Variants in CDH17 observed in about 807,000 individuals in gnomAD.
CDH17 encodes the protein cadherin 17, also known as cadherin-17.
A neutral mutation model predicts 86.3 loss-of-function variants in CDH17; 67 were observed. The observed-to-expected ratio is 0.78, with a 90% CI of 0.64 to 0.95. CDH17 has a LOEUF of 0.95. Ranked by LOEUF, CDH17 falls within the 40% of genes least tolerant of loss-of-function variation. The pLI is 0.00. For synonymous variants in CDH17, 367 were observed against 366.4 expected (o/e 1.00, Z -0.02); for missense variants, 993 against 1,017.6 (o/e 0.98, Z 0.33).
At chr8:94,195,090 C>A (rs1813757377) in intron 1 of CDH17, among the ~76,000 whole-genome samples, 1 of 152,186 alleles carries the variant, frequency 6.6e-6, no homozygotes, top group Non-Finnish European at 1.5e-5. Context: ...CAACCTCCAC[C>A]TCCTGGGTTC....
chr8:94,128,083 A>G lies in CDH17; in HGVS notation c.*157T>C. ...ACTCCAGCCTGGGCGACAGAGCAAG[A>G]CTCCACCTCAAAAAAGAAATATTTA... On this transcript the variant is annotated 3_prime_UTR_variant, in exon 18 of 18. Coordinates refer to ENST00000027335, the MANE Select transcript of CDH17 (RefSeq NM_004063.4). The G allele has an allele frequency of 1.7e-6, 1 of 598,048 alleles. No homozygotes were observed. 37.0% of individuals were successfully genotyped at this position (598,048 alleles called of 1,614,324 possible).
intron 3 of CDH17, among the ~76,000 whole-genome samples, chr8:94,186,754 G>C (rs1470998326): frequency 6.6e-6 from 1 of 152,168 alleles, no homozygotes; most frequent in Non-Finnish European, 1.5e-5. Flanking sequence ...TGCAGCTCAT[G>C]CTCTGAGTGA....
intron 3 of CDH17, among the ~76,000 whole-genome samples, chr8:94,179,785 G>C (rs1035142798): frequency 5.3e-5 from 8 of 152,110 alleles, no homozygotes; most frequent in African/African-American, 1.4e-4. Context: ...AAAGAATACA[G>C]ACTTTACAGA....
intron 15 of CDH17, among the ~76,000 whole-genome samples, chr8:94,141,605 T>C (rs1277549076): frequency 1.3e-5 from 2 of 152,190 alleles, no homozygotes; most frequent in African/African-American, 2.4e-5. Flanking sequence ...GAAATCATTA[T>C]ATTCCTATAT....
chr8:94,186,168 C>G (rs1395172451), intron 3 of CDH17, among the ~76,000 whole-genome samples: 1 of 152,072 alleles, frequency 6.6e-6, no homozygotes, highest in Non-Finnish European at 1.5e-5. Flanking sequence ...TGTCTGAGAC[C>G]TCTCCACCTG....
chr8:94,140,099 A>G (rs1449331131), intron 15 of CDH17, among the ~76,000 whole-genome samples: 1 of 152,132 alleles, frequency 6.6e-6, no homozygotes, highest in Non-Finnish European at 1.5e-5. Flanking sequence ...CATAATCACA[A>G]AAGAAATCTA....
intron 15 of CDH17, 62 bp from the exon 16 acceptor site, chr8:94,131,054 G>GGGT: frequency 1.1e-6 from 1 of 890,872 alleles, no homozygotes; most frequent in South Asian, 1.4e-5. Context: ...CAGGAATAAA[G>GGGT]CTCATTTTGT....
Position 94,152,065 on chromosome 8 carries a change from T to C in CDH17, c.1599A>G (p.Ala533=), listed in dbSNP as rs1472944110. 8 of 1,614,088 alleles carry C rather than the reference T, an allele frequency of 5.0e-6. No homozygotes were observed. The highest frequency in any genetic ancestry group is 5.9e-6 in the Non-Finnish European group (7 of 1,180,042). Residue 533 remains alanine (A), a synonymous_variant, in exon 13 of 18, where the codon GCA becomes GCG. Coordinates refer to ENST00000027335, the MANE Select transcript of CDH17 (RefSeq NM_004063.4). ...CAAACACTAGAGGCTCAGGATTTTC[T>C]GCTTTGAACACAATGTTGGAAACAG... The part of the protein sequence containing the change: ...TAAVSNIVFK[A]ENPEPLVFGV...
intron 15 of CDH17, among the ~76,000 whole-genome samples, chr8:94,139,444 T>C (rs766707774): frequency 2.0e-5 from 3 of 152,066 alleles, no homozygotes; most frequent in Non-Finnish European, 4.4e-5. Flanking sequence ...AGATGAAAAC[T>C]CCAAATCCTC....
chr8:94,166,387 A>G (rs997408550), intron 9 of CDH17, among the ~76,000 whole-genome samples: 1 of 152,174 alleles, frequency 6.6e-6, no homozygotes, highest in Non-Finnish European at 1.5e-5. Flanking sequence ...GTCATACTGG[A>G]TTAGGGCCCA....
chr8:94,189,790 C>A (rs1460422185), intron 2 of CDH17, among the ~76,000 whole-genome samples: 1 of 152,194 alleles, frequency 6.6e-6, no homozygotes, highest in African/African-American at 2.4e-5. Flanking sequence ...GTATTTAGTA[C>A]AAAGTTTGCT....
upstream of CDH17, chr8:94,208,700 C>G (rs1283535174): frequency 7.0e-6 from 1 of 143,146 alleles, no homozygotes; most frequent in Non-Finnish European, 1.6e-5. Flanking sequence ...TACTTTTACT[C>G]CAGGAAAGAA....
intron 9 of CDH17, among the ~76,000 whole-genome samples, chr8:94,170,104 A>T (rs80304439): frequency 0.071 from 10,759 of 152,222 alleles, 1,227 homozygotes; most frequent in African/African-American, 0.24. Flanking sequence ...ATACATGTAT[A>T]TAAGATACTA....
chr8:94,138,348 C>A (rs572450615), intron 15 of CDH17, among the ~76,000 whole-genome samples: 3 of 151,938 alleles, frequency 2.0e-5, no homozygotes, highest in Admixed American at 2.0e-4. Flanking sequence ...ATATATTAGG[C>A]AATGGACAGT....
At chr8:94,181,246 G>A (rs529372548) in intron 3 of CDH17, among the ~76,000 whole-genome samples, 13 of 152,166 alleles carry the variant, frequency 8.5e-5, no homozygotes, top group African/African-American at 2.2e-4. Context: ...AATAATTGAC[G>A]ATTTCAAGAC....
intron 13 of CDH17, 97 bp from the exon 14 acceptor site, chr8:94,148,971 G>T (rs2130598539): frequency 2.2e-6 from 2 of 921,366 alleles, no homozygotes; most frequent in South Asian, 1.9e-5. Context: ...GTGCATCCTT[G>T]AAATATGTTG....
upstream of CDH17, among the ~76,000 whole-genome samples, chr8:94,209,764 A>C (rs549327857): frequency 6.6e-6 from 1 of 152,338 alleles, no homozygotes; most frequent in South Asian, 2.1e-4. Flanking sequence ...TTAGCTGAAT[A>C]AAGTGTGCTT....
At chr8:94,201,869 A>G (rs1445963174) in intron 1 of CDH17, 1 of 155,836 alleles carries the variant, frequency 6.4e-6, no homozygotes, top group African/African-American at 2.4e-5. Flanking sequence ...AACGGCATTC[A>G]TTTATTTTTT....
At chr8:94,162,502 T>C (rs930407330) in intron 10 of CDH17, among the ~76,000 whole-genome samples, 2 of 152,244 alleles carry the variant, frequency 1.3e-5, no homozygotes, top group Non-Finnish European at 2.9e-5. Flanking sequence ...GTGAAACTTA[T>C]GTAATCTTCA....
Sources: gnomAD v4.1 joint callset for allele counts (sites outside exome capture counted in the v4.1 genomes callset) on GRCh38, gnomAD v4.1.1 for gene constraint, MANE v1.5 for transcripts, NCBI Gene and HGNC (gene_info 2026-07-23, HGNC 2026-07-21) for gene names.